RNF152: variants seen among roughly 807,000 people sequenced by gnomAD.
RNF152 encodes the protein ring finger protein 152, also known as E3 ubiquitin-protein ligase RNF152.
In RNF152, 11 loss-of-function variants were observed where a neutral mutation model predicts 12.7. The ratio of observed to expected loss-of-function variants is 0.86; its 90% CI spans 0.54 to 1.43. The LOEUF (loss-of-function observed/expected upper bound fraction) is 1.43. Among genes scored for constraint, RNF152 ranks in the 40% most tolerant of loss-of-function variants. The pLI, the probability that RNF152 is intolerant of heterozygous loss-of-function variation, is 0.00. For synonymous variants in RNF152, 113 were observed against 120.3 expected, an observed-to-expected ratio of 0.94 and a Z score of 0.40; for missense variants, 255 against 274.8, an observed-to-expected ratio of 0.93 and a Z score of 0.51.
intron 1 of RNF152, among the ~76,000 whole-genome samples, chr18:61,842,011 A>C (rs1306526863): frequency 6.6e-6 from 1 of 152,224 alleles, no homozygotes; most frequent in African/African-American, 2.4e-5. Context: ...GGTGGGTTGC[A>C]TTTGACCCCA....
At chr18:61,844,853 G>A (rs920121400) in intron 1 of RNF152, among the ~76,000 whole-genome samples, 8 of 151,252 alleles carry the variant, frequency 5.3e-5, no homozygotes, top group East Asian at 1.9e-4. Flanking sequence ...TTAGATATTC[G>A]CAATGGCCTT....
At chr18:61,860,596 TTGATAA>T (rs1444527459) in intron 1 of RNF152, among the ~76,000 whole-genome samples, 5 of 152,234 alleles carry the variant, frequency 3.3e-5, no homozygotes, top group Admixed American at 2.0e-4. Flanking sequence ...TACACAATAC[TTGATAA>T]TGATAATTAA....
At chr18:61,875,413 A>C (rs1912167156) in intron 1 of RNF152, among the ~76,000 whole-genome samples, 1 of 152,244 alleles carries the variant, frequency 6.6e-6, no homozygotes, top group Non-Finnish European at 1.5e-5. Flanking sequence ...TTGTCAGTGC[A>C]TGCAAGTGTC....
chr18:61,844,179 GAGGA>G (rs1214748117), intron 1 of RNF152, among the ~76,000 whole-genome samples: 5 of 63,682 alleles, frequency 7.9e-5, no homozygotes, highest in Admixed American at 1.6e-4. Context: ...GGGAGGAAGA[GAGGA>G]AGGAAGGAAG....
chr18:61,850,532 A>T (rs1475874307), intron 1 of RNF152, among the ~76,000 whole-genome samples: 2 of 152,214 alleles, frequency 1.3e-5, no homozygotes, highest in Non-Finnish European at 2.9e-5. Context: ...CTTGGTTAAC[A>T]GTTCTAATCA....
At chr18:61,825,156 T>G (rs1416282038) in intron 1 of RNF152, among the ~76,000 whole-genome samples, 1 of 152,190 alleles carries the variant, frequency 6.6e-6, no homozygotes, top group Non-Finnish European at 1.5e-5. Flanking sequence ...ACTCACCTTG[T>G]GTACTATTCA....
rs1322056098 is a variant in RNF152, at chr18:61,810,398, C to T, written c.*5454G>A. 1 of 152,196 alleles carries T rather than the reference C, an allele frequency of 6.6e-6. No individual in the cohort carries two copies. The highest frequency in any genetic ancestry group is 1.5e-5 in the Non-Finnish European group (1 of 68,072). 9.4% of individuals were successfully genotyped at this position (152,196 alleles called of 1,614,324 possible). On this transcript the variant is annotated 3_prime_UTR_variant, in exon 2 of 2. Transcript: ENST00000312828. ...CAGTGGCCCATGCCTGTAATCCCAGCACTTTGGGAGGCCGAGGCGGGTGGA... is the reference window on the plus strand; with the variant it reads ...CAGTGGCCCATGCCTGTAATCCCAGTACTTTGGGAGGCCGAGGCGGGTGGA...
At chr18:61,823,495 C>T (rs1354975233) in intron 1 of RNF152, among the ~76,000 whole-genome samples, 1 of 152,146 alleles carries the variant, frequency 6.6e-6, no homozygotes, top group Non-Finnish European at 1.5e-5. Flanking sequence ...GATAGGGTTT[C>T]GCCATATTGG....
chr18:61,848,531 G>A (rs9947257), intron 1 of RNF152, among the ~76,000 whole-genome samples: 75,356 of 151,978 alleles, frequency 0.5, 18,991 homozygotes, highest in African/African-American at 0.56. Flanking sequence ...AGCCCCCCAG[G>A]CTGTACGTGG....
Position 61,810,511 on chromosome 18 carries a change from G to A in RNF152, c.*5341C>T, listed in dbSNP as rs1014527658. The A allele has an allele frequency of 6.6e-6, 1 of 152,248 alleles. No individual in the cohort carries two copies. Among genetic ancestry groups the A allele is most frequent in the Non-Finnish European group, 1.5e-5 (1 of 68,076 alleles). 9.4% of individuals were successfully genotyped at this position (152,248 alleles called of 1,614,324 possible). A position where few individuals can be genotyped will look rare whatever the true frequency, so the allele number is the denominator to read the frequency against. On this transcript the variant is annotated 3_prime_UTR_variant, in exon 2 of 2. Transcript: ENST00000312828. ...AAAAAATACAAAATTAGCTGGGCAT[G>A]GAGGCGCATGCCTATAATCCCAGCT...
rs1025401396 is a variant in RNF152 at position 61,842,560 on chromosome 18, A to T, written c.-135-25962T>A. Among the ~76,000 whole-genome samples the T allele has an allele frequency of 3.3e-5, 5 of 152,222 alleles. No individual in the cohort carries two copies. The South Asian group carries it at 6.2e-4, about 19-fold the overall frequency. Reference sequence around the variant, plus strand: ...GCCTCTCTCTTCCTTCATGGCAAAAAGTCAAATGCTTGACTATTGAGCACC... The same window carrying T: ...GCCTCTCTCTTCCTTCATGGCAAAATGTCAAATGCTTGACTATTGAGCACC... On this transcript the variant is annotated intron_variant, in intron 1 of 1. Transcript: ENST00000312828.
intron 1 of RNF152, among the ~76,000 whole-genome samples, chr18:61,826,352 A>C (rs1410483134): frequency 6.6e-6 from 1 of 152,180 alleles, no homozygotes; most frequent in African/African-American, 2.4e-5. Flanking sequence ...GCCACAAAGA[A>C]GACAGAAAGA....
intron 1 of RNF152, among the ~76,000 whole-genome samples, chr18:61,855,979 C>A (rs1035633476): frequency 2.6e-5 from 4 of 152,228 alleles, no homozygotes; most frequent in Non-Finnish European, 4.4e-5. Flanking sequence ...TGTTTCCCTA[C>A]AACCAGGTAC....
At chr18:61,872,093 G>A (rs1245110409) in intron 1 of RNF152, among the ~76,000 whole-genome samples, 1 of 152,172 alleles carries the variant, frequency 6.6e-6, no homozygotes, top group African/African-American at 2.4e-5. Flanking sequence ...TACAAACATG[G>A]TGGAAGGCAA....
At chr18:61,891,388 T>C (rs1912953371) in intron 1 of RNF152, among the ~76,000 whole-genome samples, 1 of 152,228 alleles carries the variant, frequency 6.6e-6, no homozygotes, top group South Asian at 2.1e-4. Context: ...GGCAGGCTAC[T>C]GTTTTGCCAT....
chr18:61,865,902 A>G (rs551675236), intron 1 of RNF152, among the ~76,000 whole-genome samples: 1 of 152,204 alleles, frequency 6.6e-6, no homozygotes, highest in Non-Finnish European at 1.5e-5. Flanking sequence ...AGTGTCAATT[A>G]CATATCTCCC....
chr18:61,847,349 C>T (rs1241108217), intron 1 of RNF152, among the ~76,000 whole-genome samples: 1 of 152,162 alleles, frequency 6.6e-6, no homozygotes, highest in East Asian at 1.9e-4. Flanking sequence ...ACTTTCATTG[C>T]ATAATGCCAT....
intron 1 of RNF152, among the ~76,000 whole-genome samples, chr18:61,848,638 C>T (rs117456246): frequency 0.038 from 5,738 of 152,268 alleles, 158 homozygotes; most frequent in South Asian, 0.067. Flanking sequence ...TCCTACAAGG[C>T]CCCCAGAGAC....
intron 1 of RNF152, among the ~76,000 whole-genome samples, chr18:61,851,478 CCA>C (rs771230396): frequency 2.0e-5 from 3 of 152,118 alleles, no homozygotes; most frequent in Non-Finnish European, 4.4e-5. Context: ...GGAACTGTGC[CCA>C]GTTTTCTCCG....
Sources: gnomAD v4.1 joint callset for allele counts (sites outside exome capture counted in the v4.1 genomes callset) on GRCh38, gnomAD v4.1.1 for gene constraint, MANE v1.5 for transcripts, NCBI Gene and HGNC (gene_info 2026-07-23, HGNC 2026-07-21) for gene names.